LOX: variants seen among roughly 807,000 people sequenced by gnomAD.
LOX encodes the protein lysyl oxidase.
In LOX, 12 loss-of-function variants were observed where a neutral mutation model predicts 50.5. The ratio of observed to expected loss-of-function variants is 0.24; its 90% CI spans 0.15 to 0.38. The LOEUF (loss-of-function observed/expected upper bound fraction) is 0.38, where lower values mean the gene tolerates loss of function less well. LOX is among the 10% of genes least tolerant of loss of function. LOX has a pLI of 1.00. For synonymous variants in LOX, 254 were observed against 230.6 expected, an observed-to-expected ratio of 1.10 and a Z score of -0.92; for missense variants, 504 against 563.8, an observed-to-expected ratio of 0.89 and a Z score of 1.07.
At chr5:122,069,425 T>G (rs924403857) in intron 6 of LOX, among the ~76,000 whole-genome samples, 1 of 152,124 alleles carries the variant, frequency 6.6e-6, no homozygotes, top group Non-Finnish European at 1.5e-5. Flanking sequence ...CTACCCAACC[T>G]TTTTTCATTA....
At position 122,064,642 on chromosome 5, in the gene LOX, A is replaced by G. The variant is rs1754250947; in HGVS notation, c.*2101T>C. 1.3e-5 allele frequency: 2 copies of G among 152,104 alleles called. No individual in the cohort carries two copies. The highest frequency in any genetic ancestry group is 4.8e-5 in the African/African-American group (2 of 41,546). The allele number at this position is 152,104 out of a possible 1,614,324, so 9.4% of individuals were successfully genotyped here. ...TGAAATTTCATAGACATGTAATTTT[A>G]TTCCCTAAAAATGAAATAAGATGAA... is the stretch of plus-strand genomic sequence containing the variant. On this transcript the variant is annotated 3_prime_UTR_variant, in exon 7 of 7. Transcript: ENST00000231004.
chr5:122,068,469 A>G (rs1754361015), intron 6 of LOX, among the ~76,000 whole-genome samples: 1 of 152,120 alleles, frequency 6.6e-6, no homozygotes, highest in African/African-American at 2.4e-5. Flanking sequence ...AACTTCTCAT[A>G]TTGTATCTCT....
intron 2 of LOX, 114 bp downstream of exon 2, chr5:122,076,779 C>A: frequency 1.2e-6 from 1 of 846,864 alleles, no homozygotes; most frequent in Admixed American, 2.1e-5. Flanking sequence ...CTTCCCAGCT[C>A]TTGTCCCACT....
rs765737875 is a variant in LOX, at chr5:122,074,001, G to T, written c.1035+12C>A. The stretch of plus-strand genomic sequence containing the variant: ...GAGGCTTGAGGTTCTGGATTTCAGG[G>T]TGCCAACATACCTGTGTGTGTGCAG... On this transcript the variant is annotated intron_variant, in intron 4 of 6. Transcript: ENST00000231004. 1.2e-6 allele frequency: 2 copies of T among 1,603,480 alleles called. No homozygotes were observed. Among genetic ancestry groups the T allele is most frequent in the South Asian group, 1.1e-5 (1 of 90,618 alleles).
rs1022544499 is a variant in LOX, at chr5:122,063,213, T to A, written c.*3530A>T. On this transcript the variant is annotated 3_prime_UTR_variant, in exon 7 of 7. Coordinates refer to ENST00000231004, the MANE Select transcript of LOX (RefSeq NM_002317.7). ...TACTATAGACACTTGAAATCATTTA[T>A]TCAAGGCATTTTTATATAATCTTGC... 1 of 151,996 alleles carries A rather than the reference T, an allele frequency of 6.6e-6. No homozygotes were observed. The highest frequency in any genetic ancestry group is 6.6e-5 in the Admixed American group (1 of 15,218). 9.4% of individuals were successfully genotyped at this position (151,996 alleles called of 1,614,324 possible).
chr5:122,069,619 G>A (rs1391303422), intron 6 of LOX, among the ~76,000 whole-genome samples: 2 of 152,106 alleles, frequency 1.3e-5, no homozygotes, highest in African/African-American at 4.8e-5. Flanking sequence ...ACCAGAGGGG[G>A]CTGAACTCTT....
intron 4 of LOX, among the ~76,000 whole-genome samples, chr5:122,073,553 T>G (rs912036551): frequency 5.3e-4 from 80 of 152,306 alleles, no homozygotes; most frequent in African/African-American, 1.8e-3. Flanking sequence ...AAAACAGAGA[T>G]ATCTTTTTTT....
chr5:122,076,767 C>T (rs1225818066), intron 2 of LOX, 126 bp downstream of exon 2: 1 of 742,202 alleles, frequency 1.3e-6, no homozygotes, highest in Admixed American at 2.4e-5. Context: ...GGTCACGTCC[C>T]ACTTCCCAGC....
In LOX at chr5:122,075,496, C is replaced by T; in HGVS notation, c.786G>A (p.Leu262=). Residue 262 remains leucine, a synonymous_variant, in exon 3 of 7, where the codon CTG becomes CTA. Coordinates refer to ENST00000231004, the MANE Select transcript of LOX (RefSeq NM_002317.7). ...ADVRDYDHRV[L]LRFPQRVKNQ... is the part of the protein sequence containing the mutation. ...TTTTCACTCTTTGGGGAAATCTGAGCAGCACCCTGTGATCATAATCTCTGA... is the reference window on the plus strand; with the variant it reads ...TTTTCACTCTTTGGGGAAATCTGAGTAGCACCCTGTGATCATAATCTCTGA... 6 of 1,613,076 alleles carry T rather than the reference C, an allele frequency of 3.7e-6. No homozygotes were observed. The highest frequency in any genetic ancestry group is 5.1e-6 in the Non-Finnish European group (6 of 1,179,324).
In LOX at chr5:122,070,082, A is replaced by C; in HGVS notation, c.1218T>G (p.His406Gln). Residue 406 changes from histidine to glutamine, a missense_variant, in exon 6 of 7, where the codon CAT (histidine) becomes CAG (glutamine). His to Gln is a conservative substitution (Grantham distance 24, BLOSUM62 0). Around this residue, in one of 2 missense-constraint regions of LOX, gnomAD observed 106 missense variants for 198.1 expected, o/e 0.54. Coordinates refer to ENST00000231004, the MANE Select transcript of LOX (RefSeq NM_002317.7). ...VRCDIRYTGH[H>Q]AYASGCTISP... ...AAATTGTGCAGCCTGAGGCATACGC[A>C]TGATGTCCTGTGTAGCGAATGTCAC... The C allele has an allele frequency of 3.1e-6, 5 of 1,612,884 alleles. No homozygotes were observed. The highest frequency in any genetic ancestry group is 8.5e-7 in the Non-Finnish European group (1 of 1,179,046).
At position 122,065,192 on chromosome 5, in the gene LOX, C is replaced by T. The variant is rs929869720; in HGVS notation, c.*1551G>A. 8 of 151,988 alleles carry T rather than the reference C, an allele frequency of 5.3e-5. No homozygotes were observed. The highest frequency in any genetic ancestry group is 4.6e-4 in the Admixed American group (7 of 15,234). The allele number at this position is 151,988 out of a possible 1,614,324, so 9.4% of individuals were successfully genotyped here. A position where few individuals can be genotyped will look rare whatever the true frequency, so the allele number is the denominator to read the frequency against. ...CTATATCCGCCAGTTGATGACTGTC[C>T]ATCTCTAGCCCCTCTAACCATGCTA... is the stretch of plus-strand genomic sequence containing the variant. On this transcript the variant is annotated 3_prime_UTR_variant, in exon 7 of 7. Transcript: ENST00000231004.
intron 6 of LOX, among the ~76,000 whole-genome samples, chr5:122,068,077 TA>T (rs1430184929): frequency 1.3e-5 from 2 of 151,376 alleles, no homozygotes; most frequent in South Asian, 4.2e-4. Context: ...GATCACTAAT[TA>T]TAATTTCACT....
At chr5:122,070,873 T>G in intron 4 of LOX, 3 of 215,186 alleles carry the variant, frequency 1.4e-5, no homozygotes, top group Non-Finnish European at 2.7e-5. Flanking sequence ...AATAGGCCTC[T>G]ACCAAAGTTC....
rs747093212 is a variant in LOX, at chr5:122,077,969, G to A, written c.17C>T (p.Thr6Ile). Residue 6 changes from threonine to isoleucine, a missense_variant, in exon 1 of 7, where the codon ACC (threonine) becomes ATC (isoleucine). This residue lies in a region of LOX where 398 missense variants were observed against 365.8 expected (regional missense o/e 1.09). Transcript: ENST00000231004. This position sits in a 1 kb window ranked among gnomAD's most constrained non-coding sequence, Gnocchi z 4.9. ...CTGCAAAGGCCCGAGCAGGAGCACG[G>A]TCCAGGCGAAGCGCATCACTCCTTT... Reference protein sequence around the residue: MRFAWTVLLLGPLQLC... With the variant: MRFAWIVLLLGPLQLC... The A allele has an allele frequency of 6.8e-7, 1 of 1,464,644 alleles. No homozygotes were observed. The highest frequency in any genetic ancestry group is 9.0e-7 in the Non-Finnish European group (1 of 1,114,314). The allele number at this position is 1,464,644 out of a possible 1,614,324, so 90.7% of individuals were successfully genotyped here.
In LOX at chr5:122,075,390, G is replaced by T. The variant is rs1275317867; in HGVS notation, c.878+14C>A. On this transcript the variant is annotated intron_variant, in intron 3 of 6. Coordinates refer to ENST00000231004, the MANE Select transcript of LOX (RefSeq NM_002317.7). ...AAAGCAACCCAAAAGTACCCAGGAG[G>T]CCCATTTACTTACTGATGACAACTG... The T allele has an allele frequency of 1.3e-6, 2 of 1,590,820 alleles. No individual in the cohort carries two copies. The highest frequency in any genetic ancestry group is 1.4e-5 in the African/African-American group (1 of 73,760).
In LOX at chr5:122,065,582, G is replaced by C. The variant is rs774377726; in HGVS notation, c.*1161C>G. On this transcript the variant is annotated 3_prime_UTR_variant, in exon 7 of 7. Transcript: ENST00000231004. ...CAACCCCTCAAGTATGTAATACTAT[G>C]TGCTTTGCTAATTTAGACTATATCT... 1.3e-5 allele frequency: 2 copies of C among 151,986 alleles called. No individual in the cohort carries two copies. Among genetic ancestry groups the C allele is most frequent in the African/African-American group, 2.4e-5 (1 of 41,374 alleles). The allele number at this position is 151,986 out of a possible 1,614,324, so 9.4% of individuals were successfully genotyped here.
Position 122,077,936 on chromosome 5 carries a change from G to T in LOX, c.50C>A (p.Ala17Glu), listed in dbSNP as rs765159521. The T allele has an allele frequency of 8.0e-6, 12 of 1,500,012 alleles. No individual in the cohort carries two copies. The East Asian group carries it at 1.8e-4, about 22-fold the overall frequency. 92.9% of individuals were successfully genotyped at this position (1,500,012 alleles called of 1,614,324 possible). Reference protein sequence around the residue: ...VLLLGPLQLCALVHCAPPAAG... With the variant: ...VLLLGPLQLCELVHCAPPAAG... The stretch of plus-strand genomic sequence containing the variant: ...GGCGGGAGGGGCGCAGTGCACTAGC[G>T]CGCAGAGCTGCAAAGGCCCGAGCAG... Residue 17 changes from alanine (A) to glutamate (E), a missense_variant, in exon 1 of 7, where the codon GCG (alanine) becomes GAG (glutamate). Ala to Glu is a moderately radical substitution (Grantham distance 107, BLOSUM62 -1). Transcript: ENST00000231004. The surrounding 1 kb of genome is among the most constrained non-coding windows in gnomAD (Gnocchi z 4.9).
chr5:122,072,046 A>G (rs1754466980), intron 4 of LOX, among the ~76,000 whole-genome samples: 1 of 152,214 alleles, frequency 6.6e-6, no homozygotes, highest in East Asian at 1.9e-4. Context: ...TCCAGCATAC[A>G]ATTCTGATTC....
In LOX at chr5:122,073,141, G is replaced by T. The variant is rs79347852; in HGVS notation, c.1035+872C>A. Among the ~76,000 whole-genome samples the T allele has an allele frequency of 2.5e-4, 38 of 152,290 alleles. No homozygotes were observed. In the East Asian group the frequency reaches 7.3e-3, roughly 29 times the overall value. On this transcript the variant is annotated intron_variant, in intron 4 of 6. Transcript: ENST00000231004. ...GAATTTGCTTCCCAAGATGCCAACT[G>T]CTGATCCCTTCATACCCTCAGTTAT...
Sources: allele counts gnomAD v4.1 joint callset (sites outside exome capture counted in the v4.1 genomes callset), GRCh38; gene constraint gnomAD v4.1.1; regional missense constraint gnomAD v4.1.1; non-coding constraint Gnocchi (gnomAD v3.1); transcripts MANE v1.5; gene names NCBI Gene and HGNC (gene_info 2026-07-23, HGNC 2026-07-21).